Variants in TRPC4AP observed in about 807,000 individuals in gnomAD.
The protein encoded by TRPC4AP is transient receptor potential cation channel subfamily C member 4 associated protein.
In TRPC4AP, 45 loss-of-function variants were observed where a neutral mutation model predicts 99.0. The observed-to-expected ratio is 0.45, with a 90% CI of 0.36 to 0.58. TRPC4AP has a LOEUF of 0.58. Among genes scored for constraint, TRPC4AP ranks in the 20% least tolerant of loss-of-function variants. The pLI, the probability that TRPC4AP is intolerant of heterozygous loss-of-function variation, is 0.00. For missense variants in TRPC4AP, 879 were observed against 985.3 expected (o/e 0.89, Z 1.44); for synonymous variants, 408 against 385.8 (o/e 1.06, Z -0.67).
intron 1 of TRPC4AP, among the ~76,000 whole-genome samples, chr20:35,078,480 T>C (rs895807067): frequency 6.6e-6 from 1 of 152,144 alleles, no homozygotes. Context: ...CTAAAAGTAT[T>C]TTTACAAGAA....
intron 7 of TRPC4AP, 31 bp downstream of exon 7, chr20:35,044,474 T>A (rs2083513625): frequency 1.3e-6 from 2 of 1,596,736 alleles, no homozygotes; most frequent in Admixed American, 1.7e-5. Context: ...AGAGCTATAA[T>A]CTCAAAATTC....
chr20:35,043,247 A>C (rs1056176578), intron 7 of TRPC4AP, among the ~76,000 whole-genome samples: 1 of 142,862 alleles, frequency 7.0e-6, no homozygotes, highest in Non-Finnish European at 1.5e-5. Flanking sequence ...GCAATGAATA[A>C]TTTTTTTTTT....
At chr20:35,014,132 T>A (rs2082697570) in intron 10 of TRPC4AP, among the ~76,000 whole-genome samples, 1 of 152,112 alleles carries the variant, frequency 6.6e-6, no homozygotes, top group Non-Finnish European at 1.5e-5. Context: ...ATTACGGGTG[T>A]GAGCCACCAT....
Position 35,069,217 on chromosome 20 carries a change from C to T in TRPC4AP, c.414+79G>A, listed in dbSNP as rs368924577. ...AATGTTATAAATTCTGAAATCTTTC[C>T]TATCTCCCATTTCAAAAGTTAAATT... On this transcript the variant is annotated intron_variant, in intron 3 of 18. Transcript: ENST00000252015. The T allele has an allele frequency of 3.2e-5, 25 of 787,412 alleles. No homozygotes were observed. The East Asian group carries it at 3.8e-4, about 12-fold the overall frequency. 48.8% of individuals were successfully genotyped at this position (787,412 alleles called of 1,614,324 possible).
intron 8 of TRPC4AP, among the ~76,000 whole-genome samples, chr20:35,034,517 G>A (rs2083273239): frequency 6.6e-6 from 1 of 151,960 alleles, no homozygotes; most frequent in Admixed American, 6.6e-5. Flanking sequence ...CTTCAATTTG[G>A]AGCTGGAGGG....
At chr20:35,055,090 TACC>T (rs1412273796) in intron 4 of TRPC4AP, 59 bp from the exon 5 acceptor site, 13 of 1,479,764 alleles carry the variant, frequency 8.8e-6, no homozygotes, top group Non-Finnish European at 1.1e-5. Context: ...GTACAACAGT[TACC>T]ACATTTTTTT....
chr20:35,015,461 C>CTTTTTTTTTT (rs57896641), intron 10 of TRPC4AP, among the ~76,000 whole-genome samples: 1 of 126,138 alleles, frequency 7.9e-6, no homozygotes. Flanking sequence ...CAGGCAGGAA[C>CTTTTTTTTTT]TTTTTTTTTT....
At chr20:35,043,117 T>C (rs538734240) in intron 7 of TRPC4AP, among the ~76,000 whole-genome samples, 2 of 152,284 alleles carry the variant, frequency 1.3e-5, no homozygotes, top group African/African-American at 2.4e-5. Flanking sequence ...TAGCAGTACA[T>C]AGAGATCTTC....
At position 35,068,835 on chromosome 20, in the gene TRPC4AP, TA is replaced by T. The variant is rs1277251386; in HGVS notation, c.414+460del. Among the ~76,000 whole-genome samples, 1,023 of 137,356 alleles carry T rather than the reference TA, an allele frequency of 7.4e-3. 4 individuals are homozygous for T. Among genetic ancestry groups the T allele is most frequent in the Non-Finnish European group, 0.011 (668 of 62,922 alleles). The allele number at this position is 137,356 out of a possible 152,430, so 90.1% of individuals were successfully genotyped here. A position where few individuals can be genotyped will look rare whatever the true frequency, so the allele number is the denominator to read the frequency against. On this transcript the variant is annotated intron_variant, in intron 3 of 18. Transcript: ENST00000252015. ...GCGCCCGGCCTAAAATTGTTTTAATTAAAAAAAAAAAAAGAAGAAGAAAGAA... is the reference window on the plus strand; with the variant it reads ...GCGCCCGGCCTAAAATTGTTTTAATTAAAAAAAAAAAAGAAGAAGAAAGAA...
Position 35,024,844 on chromosome 20 carries a change from A to AC in TRPC4AP, c.1052-3489_1052-3488insG, listed in dbSNP as rs1569096976. 1.1e-3 allele frequency among the ~76,000 whole-genome samples: 139 copies of AC among 124,898 alleles called. 9 individuals carry two copies. The highest frequency in any genetic ancestry group is 3.8e-3 in the South Asian group (15 of 3,970). 81.9% of individuals were successfully genotyped at this position (124,898 alleles called of 152,430 possible). A position where few individuals can be genotyped will look rare whatever the true frequency, so the allele number is the denominator to read the frequency against. Reference sequence around the variant, plus strand: ...CCGTCTCAAAAAAAAAAAAAAAAAAAAAAAAAAAAAATTCTGTTTATTCAT... The same window carrying AC: ...CCGTCTCAAAAAAAAAAAAAAAAAAACAAAAAAAAAAATTCTGTTTATTCAT... On this transcript the variant is annotated intron_variant, in intron 8 of 18. Coordinates refer to ENST00000252015, the MANE Select transcript of TRPC4AP (RefSeq NM_015638.3).
chr20:35,036,420 A>AT (rs761054227), intron 7 of TRPC4AP, among the ~76,000 whole-genome samples: 20 of 152,200 alleles, frequency 1.3e-4, no homozygotes, highest in Non-Finnish European at 2.1e-4. Flanking sequence ...GAATCCGCAG[A>AT]TTTTTTGGAA....
At chr20:35,092,421 A>G (rs1482014417) in intron 1 of TRPC4AP, among the ~76,000 whole-genome samples, 193 bp downstream of exon 1, 1 of 152,180 alleles carries the variant, frequency 6.6e-6, no homozygotes, top group Non-Finnish European at 1.5e-5. Context: ...GCCCCTGACA[A>G]GGGACATCAA....
intron 8 of TRPC4AP, 60 bp from the exon 9 acceptor site, chr20:35,021,416 C>A: frequency 1.3e-6 from 2 of 1,576,934 alleles, no homozygotes; most frequent in Non-Finnish European, 1.7e-6. Flanking sequence ...CGTTTCTGCC[C>A]CTCGAACCTG....
Position 35,092,693 on chromosome 20 carries a change from C to T in TRPC4AP, c.89G>A (p.Gly30Asp). 1 of 1,539,376 alleles carries T rather than the reference C, an allele frequency of 6.5e-7. No homozygotes were observed. Among genetic ancestry groups the T allele is most frequent in the Non-Finnish European group, 8.7e-7 (1 of 1,153,332 alleles). ...CAGAATGTTACCAGGCCGCGGCCGG[C>T]CGCCCCATCCGCCCCAAGCCGCCAC... ...ATVAAWGGWG[G>D]RPRPGNILLQ... Residue 30 changes from glycine (G) to aspartate (D), a missense_variant, in exon 1 of 19, where the codon GGC becomes GAC. Around this residue, in one of 3 missense-constraint regions of TRPC4AP, gnomAD observed 603 missense variants for 631.8 expected, o/e 0.95. Transcript: ENST00000252015.
intron 16 of TRPC4AP, among the ~76,000 whole-genome samples, chr20:35,005,414 C>A (rs887874332): frequency 6.6e-6 from 1 of 152,222 alleles, no homozygotes; most frequent in African/African-American, 2.4e-5. Context: ...ACACTGAGGA[C>A]GAGGGGGCCA....
intron 7 of TRPC4AP, among the ~76,000 whole-genome samples, chr20:35,036,158 G>A (rs1275134872): frequency 6.6e-6 from 1 of 152,138 alleles, no homozygotes; most frequent in East Asian, 1.9e-4. Flanking sequence ...CATAAACTTT[G>A]GAGGCAGGGA....
intron 12 of TRPC4AP, among the ~76,000 whole-genome samples, chr20:35,009,059 A>C (rs1291861872): frequency 1.3e-5 from 2 of 152,220 alleles, no homozygotes; most frequent in Admixed American, 6.5e-5. Flanking sequence ...AGGTCATGCC[A>C]GTCTGCCAGA....
chr20:35,031,440 T>G (rs150548251), intron 8 of TRPC4AP, among the ~76,000 whole-genome samples: 8 of 141,966 alleles, frequency 5.6e-5, no homozygotes, highest in South Asian at 2.3e-4. Context: ...TTTGCCACAT[T>G]CCCCAGGCTG....
chr20:35,007,692 T>C (rs2082543435), intron 13 of TRPC4AP, 52 bp from the exon 14 acceptor site: 2 of 1,582,270 alleles, frequency 1.3e-6, no homozygotes, highest in East Asian at 2.2e-5. Context: ...TTCCGGCCCA[T>C]GTTCAGTTCT....
Sources: gnomAD v4.1 joint callset for allele counts (sites outside exome capture counted in the v4.1 genomes callset) on GRCh38, gnomAD v4.1.1 for gene constraint, gnomAD v4.1.1 regional missense constraint, MANE v1.5 for transcripts, NCBI Gene and HGNC (gene_info 2026-07-23, HGNC 2026-07-21) for gene names.